ZBTB7C: variants seen among roughly 807,000 people sequenced by gnomAD.
The protein encoded by ZBTB7C is zinc finger and BTB domain containing 7C.
A neutral mutation model predicts 25.7 loss-of-function variants in ZBTB7C; 8 were observed. The ratio of observed to expected loss-of-function variants is 0.31; its 90% CI spans 0.18 to 0.56. The LOEUF is 0.56. Ranked by LOEUF, ZBTB7C falls within the 20% of genes least tolerant of loss-of-function variation. ZBTB7C has a pLI of 0.91. For synonymous variants in ZBTB7C, 394 were observed against 369.0 expected (o/e 1.07, Z -0.78); for missense variants, 824 against 855.2 (o/e 0.96, Z 0.46).
rs144119389 is a variant in ZBTB7C, at chr18:48,131,773, C to T, written c.-17+54161G>A. On this transcript the variant is annotated intron_variant, in intron 3 of 4. Coordinates refer to ENST00000590800, the MANE Select transcript of ZBTB7C (RefSeq NM_001318841.2). ...GAGGTCTGAATGGCTCTCACTATAC[C>T]TATAGAAAGCAAGCATGGCTGAGCT... 4.5e-4 allele frequency among the ~76,000 whole-genome samples: 69 copies of T among 152,250 alleles called. No homozygotes were observed. The East Asian group carries it at 0.012, about 27-fold the overall frequency.
chr18:48,198,738 C>T (rs2145192264), intron 2 of ZBTB7C, among the ~76,000 whole-genome samples: 1 of 152,336 alleles, frequency 6.6e-6, no homozygotes, highest in Middle Eastern at 3.4e-3. Context: ...AGCTGATTCA[C>T]AGCCTTCATT....
intron 2 of ZBTB7C, among the ~76,000 whole-genome samples, chr18:48,245,501 A>AT (rs1219512567): frequency 1.6e-5 from 1 of 63,528 alleles, no homozygotes; most frequent in Non-Finnish European, 3.1e-5. Flanking sequence ...CACCAAAAAA[A>AT]AAAAAAGAAA....
intron 3 of ZBTB7C, 162 bp from the exon 4 acceptor site, chr18:48,041,285 C>G (rs1019528300): frequency 1.0e-6 from 1 of 985,084 alleles, no homozygotes; most frequent in African/African-American, 1.7e-5. Context: ...CTGCAATTCA[C>G]AGCCTGGCTT....
At chr18:48,198,707 C>T (rs1009945130) in intron 2 of ZBTB7C, among the ~76,000 whole-genome samples, 3 of 152,186 alleles carry the variant, frequency 2.0e-5, no homozygotes, top group South Asian at 2.1e-4. Flanking sequence ...TCACCCAGAG[C>T]GATCTCCCCA....
At chr18:48,271,805 T>C (rs370268775) in intron 2 of ZBTB7C, among the ~76,000 whole-genome samples, 24 of 152,078 alleles carry the variant, frequency 1.6e-4, no homozygotes, top group African/African-American at 5.5e-4. Context: ...AAATTAGGAA[T>C]AGAAAATAAC....
At chr18:48,114,928 C>A (rs1202244653) in intron 3 of ZBTB7C, among the ~76,000 whole-genome samples, 1 of 152,160 alleles carries the variant, frequency 6.6e-6, no homozygotes, top group African/African-American at 2.4e-5. Context: ...ATGTATATAA[C>A]ATAAAATTTG....
intron 3 of ZBTB7C, among the ~76,000 whole-genome samples, chr18:48,109,584 A>C (rs993859999): frequency 2.6e-5 from 4 of 151,530 alleles, no homozygotes; most frequent in African/African-American, 9.7e-5. Context: ...TTTGTGAACA[A>C]TATTATCAGG....
chr18:48,053,423 T>C (rs2036776830), intron 3 of ZBTB7C, among the ~76,000 whole-genome samples: 1 of 152,212 alleles, frequency 6.6e-6, no homozygotes, highest in African/African-American at 2.4e-5. Flanking sequence ...TCCTTCACCT[T>C]TGACTGAATC....
At chr18:48,194,263 C>G (rs376608743) in intron 2 of ZBTB7C, among the ~76,000 whole-genome samples, 1 of 152,222 alleles carries the variant, frequency 6.6e-6, no homozygotes, top group Non-Finnish European at 1.5e-5. Context: ...CACCCTACCC[C>G]CTGCCCAGAC....
At chr18:48,180,519 G>A (rs1317526134) in intron 3 of ZBTB7C, 4 of 361,492 alleles carry the variant, frequency 1.1e-5, no homozygotes, top group Non-Finnish European at 1.6e-5. Context: ...GTGGTGTTTG[G>A]GAGGGATGGT....
intron 1 of ZBTB7C, among the ~76,000 whole-genome samples, chr18:48,387,669 C>T (rs2047780143): frequency 6.6e-6 from 1 of 152,140 alleles, no homozygotes; most frequent in African/African-American, 2.4e-5. Context: ...AAATATGAGC[C>T]TGGGCACTAT....
rs571097474 is a variant in ZBTB7C at position 48,131,801 on chromosome 18, T to C, written c.-17+54133A>G. Among the ~76,000 whole-genome samples the C allele has an allele frequency of 4.6e-5, 7 of 152,260 alleles. No homozygotes were observed. The South Asian group carries it at 1.2e-3, about 27-fold the overall frequency. On this transcript the variant is annotated intron_variant, in intron 3 of 4. Coordinates refer to ENST00000590800, the MANE Select transcript of ZBTB7C (RefSeq NM_001318841.2). ...TAGAAAGCAAGCATGGCTGAGCTGATCCCAGAATATTTCCTGGCTACTGCT... is the reference window on the plus strand; with the variant it reads ...TAGAAAGCAAGCATGGCTGAGCTGACCCCAGAATATTTCCTGGCTACTGCT...
intron 2 of ZBTB7C, among the ~76,000 whole-genome samples, chr18:48,205,394 T>G (rs559485278): frequency 6.6e-6 from 1 of 151,982 alleles, no homozygotes; most frequent in African/African-American, 2.4e-5. Flanking sequence ...ACCTCTACAC[T>G]GAGAAGTACA....
intron 1 of ZBTB7C, among the ~76,000 whole-genome samples, chr18:48,356,615 AG>A (rs1364772609): frequency 1.2e-4 from 19 of 152,156 alleles, no homozygotes; most frequent in Admixed American, 1.2e-3. Context: ...GAAGTGAGTA[AG>A]GAAGGGAGGT....
chr18:48,333,493 G>A lies in ZBTB7C; in HGVS notation c.-79+4681C>T, dbSNP rs1177337492. ...CCCATTTAATAGAGGAGAACATTAA[G>A]GTCTGGGGAACTTAAAAGAACTGCA... On this transcript the variant is annotated intron_variant, in intron 2 of 4. Transcript: ENST00000590800. 2.0e-5 allele frequency among the ~76,000 whole-genome samples: 3 copies of A among 152,128 alleles called. No individual in the cohort carries two copies. The East Asian group carries it at 5.8e-4, about 29-fold the overall frequency.
intron 2 of ZBTB7C, among the ~76,000 whole-genome samples, chr18:48,308,476 G>A (rs889451615): frequency 6.6e-6 from 1 of 152,180 alleles, no homozygotes; most frequent in Non-Finnish European, 1.5e-5. Flanking sequence ...GGCATCCCGA[G>A]TCTCCTGCCA....
chr18:48,168,017 A>G (rs916799680), intron 3 of ZBTB7C, among the ~76,000 whole-genome samples: 4 of 152,210 alleles, frequency 2.6e-5, no homozygotes, highest in African/African-American at 7.2e-5. Flanking sequence ...AAGGAAAAAC[A>G]AGTCCGCATG....
chr18:48,329,546 C>G (rs569323548), intron 2 of ZBTB7C, among the ~76,000 whole-genome samples: 1 of 152,324 alleles, frequency 6.6e-6, no homozygotes, highest in East Asian at 1.9e-4. Context: ...ATCTGTCACC[C>G]TCCCAGACCA....
At chr18:48,083,046 T>C (rs142666956) in intron 3 of ZBTB7C, among the ~76,000 whole-genome samples, 29 of 152,316 alleles carry the variant, frequency 1.9e-4, no homozygotes, top group African/African-American at 6.5e-4. Context: ...TTTTCCCAAC[T>C]ATAACCCGCT....
Sources: gnomAD v4.1 joint callset for allele counts (sites outside exome capture counted in the v4.1 genomes callset) on GRCh38, gnomAD v4.1.1 for gene constraint, MANE v1.5 for transcripts, NCBI Gene and HGNC (gene_info 2026-07-23, HGNC 2026-07-21) for gene names.